The following SAXO2 variants were observed in gnomAD, a reference collection of about 807,000 sequenced individuals.
SAXO2 encodes family with sequence similarity 154, member B.
A neutral mutation model predicts 18.7 loss-of-function variants in SAXO2; 17 were observed. The observed-to-expected ratio is 0.91, with a 90% CI of 0.62 to 1.36. SAXO2 has a LOEUF of 1.36. Ranked by LOEUF, SAXO2 falls within the 40% of genes most tolerant of loss-of-function variation. SAXO2 has a pLI of 0.00. For synonymous variants in SAXO2, 163 were observed against 181.2 expected (o/e 0.90, Z 0.81); for missense variants, 486 against 562.6 (o/e 0.86, Z 1.38).
chr15:82,280,781 A>C (rs769112588), intron 3 of SAXO2, among the ~76,000 whole-genome samples: 1 of 152,096 alleles, frequency 6.6e-6, no homozygotes, highest in Non-Finnish European at 1.5e-5. Context: ...CAATTCTCCC[A>C]TTTCTATCTC....
intron 1 of SAXO2, among the ~76,000 whole-genome samples, chr15:82,265,324 A>T (rs1655931718): frequency 6.6e-6 from 1 of 152,022 alleles, no homozygotes; most frequent in Non-Finnish European, 1.5e-5. Flanking sequence ...TTGTATTTTT[A>T]GTAGAGACGG....
At chr15:82,281,012 A>G (rs562110456) in intron 3 of SAXO2, among the ~76,000 whole-genome samples, 1 of 152,320 alleles carries the variant, frequency 6.6e-6, no homozygotes, top group African/African-American at 2.4e-5. Flanking sequence ...GAAGATATCC[A>G]CATAATAAGT....
intron 1 of SAXO2, chr15:82,264,821 C>A: frequency 1.4e-6 from 1 of 689,860 alleles, no homozygotes; most frequent in East Asian, 2.7e-5. Flanking sequence ...CTAACAACTT[C>A]TAGCTCCAAT....
intron 1 of SAXO2, 76 bp from the exon 2 acceptor site, chr15:82,265,493 T>TA: frequency 7.3e-6 from 8 of 1,099,072 alleles, no homozygotes; most frequent in Non-Finnish European, 9.4e-6. Context: ...GTGAGTTTAT[T>TA]AGAGGTCTCT....
In SAXO2 at chr15:82,271,803, G is replaced by A. The variant is rs771079444; in HGVS notation, c.433+1G>A. 2 of 1,609,168 alleles carry A rather than the reference G, an allele frequency of 1.2e-6. No individual in the cohort carries two copies. Among genetic ancestry groups the A allele is most frequent in the Non-Finnish European group, 1.7e-6 (2 of 1,178,784 alleles). ...TTGGACACTGTCCCAACCTATAAAG[G>A]TAACTTGCTGTTTCATACATGAAGG... On this transcript the variant is annotated splice_donor_variant, in intron 3 of 3. Transcript: ENST00000682753. LOFTEE classifies it high-confidence loss of function.
At chr15:82,265,968 T>C (rs1420303061) in intron 2 of SAXO2, among the ~76,000 whole-genome samples, 1 of 151,830 alleles carries the variant, frequency 6.6e-6, no homozygotes, top group Non-Finnish European at 1.5e-5. Flanking sequence ...ATATAAAAAG[T>C]TCTATTTTTT....
rs1239303104 is a variant in SAXO2, at chr15:82,282,776, A to T, written c.1091A>T (p.Gln364Leu). The T allele has an allele frequency of 1.9e-6, 3 of 1,614,084 alleles. No individual in the cohort carries two copies. The highest frequency in any genetic ancestry group is 2.5e-6 in the Non-Finnish European group (3 of 1,180,032). Residue 364 changes from glutamine to leucine, a missense_variant, in exon 4 of 4, where the codon CAG becomes CTG. Gln to Leu is a moderately radical substitution (Grantham distance 113). Coordinates refer to ENST00000682753, the MANE Select transcript of SAXO2 (RefSeq NM_001348699.2). ...CGTCAAGGACTTATTAAGAAGCAGC[A>T]GCAGATTCCCAACCCATCTGGAAAA... ...SCRQGLIKKQQQIPNPSGKFD... is the reference protein window; with the variant it reads ...SCRQGLIKKQLQIPNPSGKFD...
At chr15:82,264,707 T>C (rs1326999096) in intron 1 of SAXO2, 3 of 702,262 alleles carry the variant, frequency 4.3e-6, no homozygotes, top group Non-Finnish European at 7.8e-6. Context: ...GCCTCTGCCA[T>C]AATCAGAAAA....
At chr15:82,266,577 G>A (rs2075220562) in intron 2 of SAXO2, among the ~76,000 whole-genome samples, 1 of 152,212 alleles carries the variant, frequency 6.6e-6, no homozygotes, top group Admixed American at 6.5e-5. Context: ...AAAGTGCCAG[G>A]TTTCCCTTGT....
intron 3 of SAXO2, among the ~76,000 whole-genome samples, chr15:82,281,058 G>A (rs2141380542): frequency 6.6e-6 from 1 of 152,222 alleles, no homozygotes; most frequent in South Asian, 2.1e-4. Flanking sequence ...ATATTGCATA[G>A]ACTTTAGTCC....
chr15:82,270,322 G>A (rs192426830), intron 2 of SAXO2, among the ~76,000 whole-genome samples: 23 of 152,226 alleles, frequency 1.5e-4, no homozygotes, highest in Admixed American at 4.6e-4. Flanking sequence ...TCAGGAAGTC[G>A]GGAAGAGAAA....
chr15:82,283,080 A>C lies in SAXO2; in HGVS notation c.*18A>C. 6 of 1,548,218 alleles carry C rather than the reference A, an allele frequency of 3.9e-6. No individual in the cohort carries two copies. On this transcript the variant is annotated 3_prime_UTR_variant, in exon 4 of 4. Coordinates refer to ENST00000682753, the MANE Select transcript of SAXO2 (RefSeq NM_001348699.2). ...CCTTCTAATAACCAAAATGTGCTTAAAAGGAAGGTACTAGCAAGTTGTTGT... is the reference window on the plus strand; with the variant it reads ...CCTTCTAATAACCAAAATGTGCTTACAAGGAAGGTACTAGCAAGTTGTTGT...
In SAXO2 at chr15:82,275,975, C is replaced by A. The variant is rs548141602; in HGVS notation, c.433+4173C>A. On this transcript the variant is annotated intron_variant, in intron 3 of 3. Transcript: ENST00000682753. ...AAGTCGAATTATGTCTCTTCGCTGA[C>A]AATGTAATTTATACATGGGAAACCC... is the stretch of plus-strand genomic sequence containing the variant. 3.3e-5 allele frequency among the ~76,000 whole-genome samples: 5 copies of A among 152,266 alleles called. No homozygotes were observed. In the South Asian group the frequency reaches 1.0e-3, roughly 32 times the overall value.
chr15:82,264,774 C>T (rs1242768135), intron 1 of SAXO2: 1 of 695,796 alleles, frequency 1.4e-6, no homozygotes, highest in East Asian at 2.7e-5. Flanking sequence ...CAAGAAGCTG[C>T]CAAGTTAGGA....
intron 2 of SAXO2, 79 bp from the exon 3 acceptor site, chr15:82,271,524 T>A: frequency 2.4e-6 from 3 of 1,239,738 alleles, no homozygotes; most frequent in Non-Finnish European, 3.3e-6. Flanking sequence ...AAAAAAAGCC[T>A]TGACATTTTC....
intron 3 of SAXO2, among the ~76,000 whole-genome samples, chr15:82,281,647 AGTAATACCT>A (rs566512452): frequency 2.4e-4 from 36 of 152,292 alleles, no homozygotes; most frequent in African/African-American, 8.2e-4. Flanking sequence ...CAAAGCAAGG[AGTAATACCT>A]GTATTACTTT....
intron 3 of SAXO2, among the ~76,000 whole-genome samples, chr15:82,277,582 T>C (rs1261533496): frequency 6.6e-6 from 1 of 152,234 alleles, no homozygotes; most frequent in Non-Finnish European, 1.5e-5. Flanking sequence ...CTAGAAAGAT[T>C]ATGTTGCCAA....
At chr15:82,268,169 T>G (rs1319990150) in intron 2 of SAXO2, among the ~76,000 whole-genome samples, 1 of 152,212 alleles carries the variant, frequency 6.6e-6, no homozygotes, top group African/African-American at 2.4e-5. Context: ...CTTTAATTTA[T>G]TAATATTTTT....
At chr15:82,271,082 G>C (rs1355073808) in intron 2 of SAXO2, among the ~76,000 whole-genome samples, 1 of 152,192 alleles carries the variant, frequency 6.6e-6, no homozygotes, top group Non-Finnish European at 1.5e-5. Flanking sequence ...TCTATAATCT[G>C]AATGTGATTT....
Sources: allele counts gnomAD v4.1 joint callset (sites outside exome capture counted in the v4.1 genomes callset), GRCh38; gene constraint gnomAD v4.1.1; transcripts MANE v1.5; gene names NCBI Gene and HGNC (gene_info 2026-07-23, HGNC 2026-07-21).